The following FAM81A variants were observed in gnomAD, a reference collection of about 807,000 sequenced individuals.
The protein encoded by FAM81A is protein FAM81A.
Under a neutral mutation model 46.7 loss-of-function variants are expected in FAM81A, and 19 were observed. That is an observed-to-expected ratio of 0.41 (90% CI 0.28 to 0.60). FAM81A has a LOEUF of 0.60. Among genes scored for constraint, FAM81A ranks in the 20% least tolerant of loss-of-function variants. The pLI is 0.34. For synonymous variants in FAM81A, 183 were observed against 152.9 expected, an observed-to-expected ratio of 1.20 and a Z score of -1.45; for missense variants, 377 against 453.5, an observed-to-expected ratio of 0.83 and a Z score of 1.53.
intron 4 of FAM81A, among the ~76,000 whole-genome samples, chr15:59,493,868 G>A (rs2141763387): frequency 6.6e-6 from 1 of 152,258 alleles, no homozygotes; most frequent in Non-Finnish European, 1.5e-5. Flanking sequence ...GATTACAGGT[G>A]TGAGCCACCG....
chr15:59,470,914 C>A (rs2081679356), intron 3 of FAM81A, among the ~76,000 whole-genome samples: 1 of 152,098 alleles, frequency 6.6e-6, no homozygotes, highest in African/African-American at 2.4e-5. Flanking sequence ...CCTCAACCTC[C>A]TGGGCTCAGG....
intron 3 of FAM81A, among the ~76,000 whole-genome samples, chr15:59,469,032 C>G (rs2081651485): frequency 1.3e-5 from 2 of 152,250 alleles, no homozygotes; most frequent in Admixed American, 6.5e-5. Context: ...GAATGAGTAT[C>G]TTAATCCTGA....
chr15:59,507,355 T>G lies in FAM81A; in HGVS notation c.543+13T>G, dbSNP rs1309258116. ...TGCAGAGGGACAGGTACGACCTGTT[T>G]CAGGTAGCTTTTAGAAGCGGGTAAT... On this transcript the variant is annotated intron_variant, in intron 5 of 8. Coordinates refer to ENST00000288228, the MANE Select transcript of FAM81A (RefSeq NM_152450.3). 1 of 1,610,032 alleles carries G rather than the reference T, an allele frequency of 6.2e-7. No individual in the cohort carries two copies. Among genetic ancestry groups the G allele is most frequent in the Middle Eastern group, 1.7e-4 (1 of 6,054 alleles).
At chr15:59,462,648 A>C (rs572910487) in intron 3 of FAM81A, among the ~76,000 whole-genome samples, 1 of 152,260 alleles carries the variant, frequency 6.6e-6, no homozygotes, top group East Asian at 1.9e-4. Context: ...CTTTGTTCCC[A>C]TTAAAAAGTA....
chr15:59,448,540 G>GATA (rs879807571), intron 1 of FAM81A, among the ~76,000 whole-genome samples: 5,711 of 152,136 alleles, frequency 0.038, 129 homozygotes, highest in South Asian at 0.05. Context: ...TAGATAGATA[G>GATA]GTAGATAGAT....
At chr15:59,458,958 A>C (rs569667003) in intron 2 of FAM81A, among the ~76,000 whole-genome samples, 146 of 152,374 alleles carry the variant, frequency 9.6e-4, no homozygotes, top group African/African-American at 3.1e-3. Context: ...CCTATCGGCC[A>C]AAATTGGCTC....
At chr15:59,413,684 G>T (rs2081132664) in intron 2 of FAM81A, among the ~76,000 whole-genome samples, 1 of 152,132 alleles carries the variant, frequency 6.6e-6, no homozygotes, top group Admixed American at 6.6e-5. Flanking sequence ...ACTTTGCAAA[G>T]CAGTGGCGGG....
rs528944728 is a variant in FAM81A at position 59,419,836 on chromosome 15, C to G, written c.-78+17478C>G. 5.9e-5 allele frequency among the ~76,000 whole-genome samples: 9 copies of G among 152,254 alleles called. No individual in the cohort carries two copies. In the South Asian group the frequency reaches 1.9e-3, roughly 32 times the overall value. On this transcript the variant is annotated intron_variant, in intron 2 of 4. Transcript: ENST00000558348. ...TGGATTGCAGGGAGCCGAGATCACA[C>G]CACTGTACTCAAGCCTGGACAACAG...
chr15:59,469,726 A>G (rs796225043), intron 3 of FAM81A, among the ~76,000 whole-genome samples: 10 of 152,246 alleles, frequency 6.6e-5, no homozygotes, highest in African/African-American at 2.4e-4. Flanking sequence ...TTTAAGGTTA[A>G]GATTATTATG....
At chr15:59,434,176 G>C (rs1467936199), upstream of FAM81A, among the ~76,000 whole-genome samples, 1 of 152,136 alleles carries the variant, frequency 6.6e-6, no homozygotes, top group Non-Finnish European at 1.5e-5. Flanking sequence ...TTTTGAAAAG[G>C]AAAATGGATA....
chr15:59,500,401 G>A (rs1285833906), intron 4 of FAM81A, among the ~76,000 whole-genome samples: 3 of 151,868 alleles, frequency 2.0e-5, no homozygotes, highest in Admixed American at 6.6e-5. Flanking sequence ...GGGCTCAAGC[G>A]ACCCCCCAAC....
chr15:59,479,657 G>C (rs1291797237), intron 3 of FAM81A, among the ~76,000 whole-genome samples: 1 of 151,994 alleles, frequency 6.6e-6, no homozygotes, highest in Non-Finnish European at 1.5e-5. Flanking sequence ...ACTCCAGAGC[G>C]AGGGCAGTTC....
At chr15:59,428,161 T>A (rs1383663354) in intron 2 of FAM81A, among the ~76,000 whole-genome samples, 1 of 152,240 alleles carries the variant, frequency 6.6e-6, no homozygotes, top group Non-Finnish European at 1.5e-5. Context: ...TCAGTGATGT[T>A]GAGCACCTTT....
intron 2 of FAM81A, among the ~76,000 whole-genome samples, chr15:59,432,586 C>A (rs1448298033): frequency 1.3e-5 from 2 of 152,124 alleles, no homozygotes; most frequent in African/African-American, 4.8e-5. Context: ...GGCCCAAGTT[C>A]AAATTCTAGC....
chr15:59,406,235 A>G (rs1424770927), intron 2 of FAM81A, among the ~76,000 whole-genome samples: 1 of 152,180 alleles, frequency 6.6e-6, no homozygotes, highest in Non-Finnish European at 1.5e-5. Context: ...CTACCTTCTC[A>G]CATTCTAATT....
Position 59,460,173 on chromosome 15 carries a change from T to G in FAM81A, c.261T>G (p.Thr87=), listed in dbSNP as rs747603589. The change falls in exon 3 of 9, where the codon ACT becomes ACG. Residue 87 remains threonine, a synonymous_variant. Coordinates refer to ENST00000288228, the MANE Select transcript of FAM81A (RefSeq NM_152450.3). This position sits in a 1 kb window ranked among gnomAD's most constrained non-coding sequence, Gnocchi z 4.4. ...TGGAGGAGCATATCAGAAACATAAC[T>G]GCCATAGTGAAGCAACTTAATCGGG... ...LFLEEHIRNI[T]AIVKQLNRDI... 1 of 1,614,040 alleles carries G rather than the reference T, an allele frequency of 6.2e-7. No homozygotes were observed.
chr15:59,459,276 A>C (rs936798498), intron 2 of FAM81A, among the ~76,000 whole-genome samples: 3 of 152,214 alleles, frequency 2.0e-5, no homozygotes, highest in Admixed American at 6.5e-5. Flanking sequence ...TTGGGATTAC[A>C]GGTGTGAGCC....
intron 1 of FAM81A, among the ~76,000 whole-genome samples, chr15:59,399,576 G>C (rs1239419527): frequency 6.6e-6 from 1 of 152,160 alleles, no homozygotes; most frequent in Non-Finnish European, 1.5e-5. Context: ...GGATGTACGA[G>C]AGGAGGAAGG....
intron 4 of FAM81A, among the ~76,000 whole-genome samples, chr15:59,494,502 A>G (rs543686182): frequency 8.5e-4 from 129 of 152,328 alleles, no homozygotes; most frequent in Admixed American, 1.6e-3. Context: ...ATTTTGAAAT[A>G]CTTTCAGGAA....
Sources: gnomAD v4.1 joint callset for allele counts (sites outside exome capture counted in the v4.1 genomes callset) on GRCh38, gnomAD v4.1.1 for gene constraint, Gnocchi (gnomAD v3.1) non-coding constraint, MANE v1.5 for transcripts, NCBI Gene and HGNC (gene_info 2026-07-23, HGNC 2026-07-21) for gene names.